FGF10: variants seen among roughly 807,000 people sequenced by gnomAD.
The protein encoded by FGF10 is FGF-10.
A neutral mutation model predicts 19.8 loss-of-function variants in FGF10; 2 were observed. That is an observed-to-expected ratio of 0.10 (90% CI 0.04 to 0.32). The LOEUF (loss-of-function observed/expected upper bound fraction) is 0.32, where lower values mean the gene tolerates loss of function less well. Among genes scored for constraint, FGF10 ranks in the 10% least tolerant of loss-of-function variants. The probability of loss-of-function intolerance (pLI) is 1.00; values close to 1 mark genes in which losing one functional copy is unlikely to be tolerated. For missense variants in FGF10, 191 were observed against 246.3 expected, an observed-to-expected ratio of 0.78 and a Z score of 1.50; for synonymous variants, 112 against 94.0, an observed-to-expected ratio of 1.19 and a Z score of -1.10.
At chr5:44,328,261 T>C (rs1199377696) in intron 1 of FGF10, among the ~76,000 whole-genome samples, 4 of 152,132 alleles carry the variant, frequency 2.6e-5, no homozygotes, top group African/African-American at 7.2e-5. Context: ...CCTTTGAAAC[T>C]GAAGCAAAAT....
intron 2 of FGF10, among the ~76,000 whole-genome samples, chr5:44,307,141 T>C (rs1740096693): frequency 6.6e-6 from 1 of 152,196 alleles, no homozygotes; most frequent in Non-Finnish European, 1.5e-5. Flanking sequence ...AAAATTAATT[T>C]ATAGAGTAAT....
chr5:44,360,184 A>G (rs1190786159), intron 1 of FGF10, among the ~76,000 whole-genome samples: 1 of 151,578 alleles, frequency 6.6e-6, no homozygotes, highest in African/African-American at 2.4e-5. Flanking sequence ...AAGTGTTACA[A>G]TTCATCATGC....
intron 1 of FGF10, among the ~76,000 whole-genome samples, chr5:44,343,925 T>C (rs1312106081): frequency 1.3e-5 from 2 of 151,920 alleles, no homozygotes; most frequent in Non-Finnish European, 2.9e-5. Context: ...GCCTGACAAA[T>C]ATGGCAACAT....
rs958318640 is a variant in FGF10, at chr5:44,388,954, T to C, written c.-272A>G. ...GGGTGGCCGCAGCAGCAGGAGCTGG[T>C]GGTGGCGTTGGTGGTGTTGGTCACC... On this transcript the variant is annotated 5_prime_UTR_variant, in exon 1 of 3. Coordinates refer to ENST00000264664, the MANE Select transcript of FGF10 (RefSeq NM_004465.2). The C allele has an allele frequency of 3.6e-6, 2 of 557,064 alleles. No individual in the cohort carries two copies. Among genetic ancestry groups the C allele is most frequent in the Admixed American group, 3.1e-5 (1 of 32,754 alleles). The allele number at this position is 557,064 out of a possible 1,614,324, so 34.5% of individuals were successfully genotyped here. A position where few individuals can be genotyped will look rare whatever the true frequency, so the allele number is the denominator to read the frequency against.
At chr5:44,356,975 T>C (rs778059361) in intron 1 of FGF10, among the ~76,000 whole-genome samples, 1 of 151,314 alleles carries the variant, frequency 6.6e-6, no homozygotes, top group Non-Finnish European at 1.5e-5. Flanking sequence ...ACACTTGGCT[T>C]TCAAAAATCT....
At chr5:44,346,093 T>A (rs1361795736) in intron 1 of FGF10, among the ~76,000 whole-genome samples, 1 of 151,798 alleles carries the variant, frequency 6.6e-6, no homozygotes, top group Non-Finnish European at 1.5e-5. Context: ...TGATTTGTCC[T>A]CCTGAAGCTG....
chr5:44,369,639 A>G (rs1330915416), intron 1 of FGF10, among the ~76,000 whole-genome samples: 2 of 152,100 alleles, frequency 1.3e-5, no homozygotes, highest in Non-Finnish European at 2.9e-5. Flanking sequence ...CCCTCCCTCC[A>G]GCTTTAGCAC....
chr5:44,327,043 T>C lies in FGF10; in HGVS notation c.326-16513A>G, dbSNP rs931876487. ...GGTAAAATCAGAAGCCCTTCCAGGGTAGGCAGGACTATAGAGCAGCACTCC... is the reference window on the plus strand; with the variant it reads ...GGTAAAATCAGAAGCCCTTCCAGGGCAGGCAGGACTATAGAGCAGCACTCC... On this transcript the variant is annotated intron_variant, in intron 1 of 2. Coordinates refer to ENST00000264664, the MANE Select transcript of FGF10 (RefSeq NM_004465.2). Among the ~76,000 whole-genome samples the C allele has an allele frequency of 2.0e-5, 3 of 152,080 alleles. No homozygotes were observed. In the East Asian group the frequency reaches 5.8e-4, roughly 29 times the overall value.
chr5:44,335,062 CT>C (rs1246551892), intron 1 of FGF10, among the ~76,000 whole-genome samples: 8 of 152,180 alleles, frequency 5.3e-5, no homozygotes, highest in Non-Finnish European at 1.2e-4. Context: ...CAAAATTTAA[CT>C]TCATCATGAA....
At chr5:44,371,270 C>A (rs1741735844) in intron 1 of FGF10, among the ~76,000 whole-genome samples, 1 of 152,078 alleles carries the variant, frequency 6.6e-6, no homozygotes, top group Admixed American at 6.6e-5. Context: ...TCTCTGCTGC[C>A]ACGGTGCCCT....
chr5:44,350,895 A>G lies in FGF10; in HGVS notation c.325+37463T>C, dbSNP rs112156662. On this transcript the variant is annotated intron_variant, in intron 1 of 2. Coordinates refer to ENST00000264664, the MANE Select transcript of FGF10 (RefSeq NM_004465.2). ...CAGGTTGAAAGTTTCCAAGTTCAGA[A>G]AACTTGTTTTTATTTGTATCATTTG... is the stretch of plus-strand genomic sequence containing the variant. Among the ~76,000 whole-genome samples, 12 of 151,464 alleles carry G rather than the reference A, an allele frequency of 7.9e-5. 1 individual carries two copies. Among genetic ancestry groups the G allele is most frequent in the African/African-American group, 2.7e-4 (11 of 41,458 alleles).
intron 2 of FGF10, 130 bp downstream of exon 2, chr5:44,310,297 A>G: frequency 1.5e-6 from 1 of 684,422 alleles, no homozygotes; most frequent in African/African-American, 1.8e-5. Context: ...AACAGTGGTG[A>G]CTAACCCACT....
chr5:44,361,112 A>G (rs1741472103), intron 1 of FGF10, among the ~76,000 whole-genome samples: 1 of 151,656 alleles, frequency 6.6e-6, no homozygotes, highest in African/African-American at 2.4e-5. Flanking sequence ...ATTTTATATG[A>G]TAAGAGTTGC....
chr5:44,369,633 C>T (rs1741701307), intron 1 of FGF10, among the ~76,000 whole-genome samples: 1 of 152,084 alleles, frequency 6.6e-6, no homozygotes, highest in South Asian at 2.1e-4. Flanking sequence ...TCTCTTCCCT[C>T]CCTCCAGCTT....
chr5:44,348,302 T>C (rs999745637), intron 1 of FGF10, among the ~76,000 whole-genome samples: 2 of 151,680 alleles, frequency 1.3e-5, no homozygotes, highest in African/African-American at 4.8e-5. Context: ...CCATAAGTAT[T>C]AAACAAAGTT....
intron 1 of FGF10, among the ~76,000 whole-genome samples, chr5:44,325,296 A>T (rs1289238277): frequency 6.6e-6 from 1 of 152,070 alleles, no homozygotes; most frequent in Non-Finnish European, 1.5e-5. Flanking sequence ...GGGACTGTAA[A>T]CTAGTTCAAC....
At chr5:44,323,147 A>G (rs918202616) in intron 1 of FGF10, among the ~76,000 whole-genome samples, 13 of 152,182 alleles carry the variant, frequency 8.5e-5, no homozygotes, top group Admixed American at 5.9e-4. Flanking sequence ...CTTTATCCCT[A>G]AAGTCCATGG....
chr5:44,366,244 A>G (rs1487361096), intron 1 of FGF10, among the ~76,000 whole-genome samples: 1 of 150,132 alleles, frequency 6.7e-6, no homozygotes, highest in African/African-American at 2.4e-5. Context: ...TGCATTTAAC[A>G]TCCTGATTTA....
chr5:44,313,667 A>T (rs892799216), intron 1 of FGF10, among the ~76,000 whole-genome samples: 2 of 151,888 alleles, frequency 1.3e-5, no homozygotes, highest in Admixed American at 1.3e-4. Flanking sequence ...TTTCCCATTC[A>T]TGTAAAACAG....
Sources: gnomAD v4.1 joint callset for allele counts (sites outside exome capture counted in the v4.1 genomes callset) on GRCh38, gnomAD v4.1.1 for gene constraint, MANE v1.5 for transcripts, NCBI Gene and HGNC (gene_info 2026-07-23, HGNC 2026-07-21) for gene names.